The following CARD19 variants were observed in gnomAD, a reference collection of about 807,000 sequenced individuals.
CARD19 encodes the protein caspase recruitment domain family member 19.
Under a neutral mutation model 24.1 loss-of-function variants are expected in CARD19, and 25 were observed. The observed-to-expected ratio is 1.04, with a 90% CI of 0.76 to 1.45. The LOEUF (loss-of-function observed/expected upper bound fraction) is 1.45. CARD19 is among the 40% of genes most tolerant of loss of function. CARD19 has a pLI of 0.00. For synonymous variants in CARD19, 103 were observed against 104.9 expected (o/e 0.98, Z 0.11); for missense variants, 241 against 247.4 (o/e 0.97, Z 0.17).
At position 93,105,197 on chromosome 9, in the gene CARD19, C is replaced by T. The variant is rs62573573; in HGVS notation, c.8-2477C>T. Among the ~76,000 whole-genome samples, 340 of 150,442 alleles carry T rather than the reference C, an allele frequency of 2.3e-3. 2 individuals carry two copies. The highest frequency in any genetic ancestry group is 8.0e-3 in the African/African-American group (324 of 40,732). The stretch of plus-strand genomic sequence containing the variant: ...GTGTGTGCACGCGCGTGTGTGTGTG[C>T]GTGTGTGTGTGTGTGTGTGTGTGTT... On this transcript the variant is annotated intron_variant, in intron 1 of 5. Transcript: ENST00000375464.
chr9:93,103,296 G>A (rs1827148767), intron 1 of CARD19, among the ~76,000 whole-genome samples: 1 of 152,048 alleles, frequency 6.6e-6, no homozygotes, highest in Non-Finnish European at 1.5e-5. Context: ...ATATGAGGTG[G>A]GATGGTTCCA....
At chr9:93,109,409 C>T (rs1827379254) in intron 2 of CARD19, among the ~76,000 whole-genome samples, 1 of 152,110 alleles carries the variant, frequency 6.6e-6, no homozygotes, top group African/African-American at 2.4e-5. Context: ...AGTGGCCTGT[C>T]CACTGACCTT....
At position 93,107,749 on chromosome 9, in the gene CARD19, T is replaced by G. The variant is rs747967339; in HGVS notation, c.83T>G (p.Val28Gly). The G allele has an allele frequency of 5.6e-6, 9 of 1,614,082 alleles. No individual in the cohort carries two copies. Among genetic ancestry groups the G allele is most frequent in the Non-Finnish European group, 7.6e-6 (9 of 1,180,024 alleles). ...TGHGRLSEQQVDRIILQLNRY... is the reference protein window; with the variant it reads ...TGHGRLSEQQGDRIILQLNRY... ...CATGGGCGCTTGAGTGAGCAGCAGG[T>G]GGACAGGATCATCCTCCAGCTGAAC... The change falls in exon 2 of 6, where the codon GTG (valine) becomes GGG (glycine). Residue 28 changes from valine (V) to glycine (G), a missense_variant. Transcript: ENST00000375464.
intron 1 of CARD19, among the ~76,000 whole-genome samples, chr9:93,104,423 G>GAT (rs1827181081): frequency 6.6e-6 from 1 of 151,884 alleles, no homozygotes; most frequent in Non-Finnish European, 1.5e-5. Context: ...GGGTAAAGCT[G>GAT]ACCTCATAGA....
chr9:93,111,715 C>A, intron 3 of CARD19, 164 bp from the exon 4 acceptor site: 1 of 1,450,382 alleles, frequency 6.9e-7, no homozygotes, highest in Admixed American at 2.4e-5. Flanking sequence ...GGAGAAGACC[C>A]AGACTGTGCA....
chr9:93,107,032 C>T (rs1428223389), intron 1 of CARD19, among the ~76,000 whole-genome samples: 2 of 152,110 alleles, frequency 1.3e-5, no homozygotes, highest in Non-Finnish European at 2.9e-5. Context: ...CATTTCTAGC[C>T]CTCTGGGAGA....
At chr9:93,098,647 G>T (rs546791182) in intron 1 of CARD19, among the ~76,000 whole-genome samples, 1 of 152,196 alleles carries the variant, frequency 6.6e-6, no homozygotes, top group Admixed American at 6.5e-5. Flanking sequence ...TGGCTTCCAA[G>T]TGCTGCCTGT....
chr9:93,107,842 C>T (rs749000911), intron 2 of CARD19, 26 bp downstream of exon 2: 33 of 1,613,766 alleles, frequency 2.0e-5, no homozygotes, highest in Middle Eastern at 3.3e-4. Flanking sequence ...GGGGGGTACC[C>T]GAGACACTGC....
At chr9:93,112,327 T>TC in intron 5 of CARD19, 38 bp downstream of exon 5, 1 of 1,525,880 alleles carries the variant, frequency 6.6e-7, no homozygotes, top group Non-Finnish European at 8.8e-7. Context: ...TGGGCCTGCC[T>TC]CCCCTCTGCC....
chr9:93,111,930 G>GT lies in CARD19; in HGVS notation c.357dup (p.Asn120Ter). ...TCGGGCAGCCAGAGCGGCGAGCTGA[G>GT]TAACAGGGGTAACACCTCCCTGCTG... On this transcript the variant is annotated frameshift_variant, in exon 4 of 6. Coordinates refer to ENST00000375464, the MANE Select transcript of CARD19 (RefSeq NM_032310.5). LOFTEE classifies it high-confidence loss of function. 1 of 1,611,050 alleles carries GT rather than the reference G, an allele frequency of 6.2e-7. No individual in the cohort carries two copies. The highest frequency in any genetic ancestry group is 1.1e-5 in the South Asian group (1 of 90,850).
intron 1 of CARD19, among the ~76,000 whole-genome samples, chr9:93,097,870 G>A (rs1022126385): frequency 6.6e-6 from 1 of 152,344 alleles, no homozygotes; most frequent in East Asian, 1.9e-4. Flanking sequence ...TCTACTCACT[G>A]GGCCTGGAGA....
chr9:93,111,275 A>C, intron 3 of CARD19: 1 of 1,155,236 alleles, frequency 8.7e-7, no homozygotes, highest in Non-Finnish European at 1.1e-6. Context: ...AGGCCCTGGG[A>C]GTCATGTGGA....
chr9:93,100,379 C>T (rs969992147), intron 1 of CARD19, among the ~76,000 whole-genome samples: 20 of 152,174 alleles, frequency 1.3e-4, no homozygotes, highest in Non-Finnish European at 2.8e-4. Flanking sequence ...GGCGCACTCT[C>T]GGCTCACTGC....
intron 2 of CARD19, among the ~76,000 whole-genome samples, chr9:93,108,346 G>A (rs58767769): frequency 0.22 from 33,544 of 152,022 alleles, 6,734 homozygotes; most frequent in African/African-American, 0.53. Context: ...ACTGTACGAG[G>A]CTGGAAAGCC....
intron 3 of CARD19, chr9:93,111,358 T>C: frequency 9.0e-7 from 1 of 1,110,716 alleles, no homozygotes; most frequent in Non-Finnish European, 1.1e-6. Context: ...AACTCTGATC[T>C]GACGCCTCTG....
chr9:93,106,414 T>TAAAAAAAAAAAA (rs56137204), intron 1 of CARD19, among the ~76,000 whole-genome samples: 5 of 102,890 alleles, frequency 4.9e-5, no homozygotes, highest in Middle Eastern at 5.0e-3. Flanking sequence ...CTGTCTCTAC[T>TAAAAAAAAAAAA]AAAAAAAAAA....
chr9:93,097,173 A>G (rs915221927), intron 1 of CARD19, among the ~76,000 whole-genome samples: 2 of 151,546 alleles, frequency 1.3e-5, no homozygotes, highest in African/African-American at 4.9e-5. Context: ...CAGAAGCTAC[A>G]CTTCATTCTT....
At chr9:93,109,319 C>T (rs377123575) in intron 2 of CARD19, among the ~76,000 whole-genome samples, 2,110 of 152,080 alleles carry the variant, frequency 0.014, 50 homozygotes, top group African/African-American at 0.047. Context: ...ACTCCAGTTC[C>T]CTGTGGCCAT....
At chr9:93,111,453 C>G (rs1827480830) in intron 3 of CARD19, 1 of 1,076,242 alleles carries the variant, frequency 9.3e-7, no homozygotes, top group African/African-American at 1.7e-5. Flanking sequence ...CGGCTTGTCC[C>G]AGGCTACTGG....
Sources: gnomAD v4.1 joint callset for allele counts (sites outside exome capture counted in the v4.1 genomes callset) on GRCh38, gnomAD v4.1.1 for gene constraint, MANE v1.5 for transcripts, NCBI Gene and HGNC (gene_info 2026-07-23, HGNC 2026-07-21) for gene names.